The following PCBP3 variants were observed in gnomAD, a reference collection of about 807,000 sequenced individuals.
PCBP3 encodes the protein poly(rC) binding protein 3.
Under a neutral mutation model 52.7 loss-of-function variants are expected in PCBP3, and 25 were observed. The observed-to-expected ratio is 0.47, with a 90% CI of 0.35 to 0.66. PCBP3 has a LOEUF of 0.66. Among genes scored for constraint, PCBP3 ranks in the 30% least tolerant of loss-of-function variants. The pLI, the probability that PCBP3 is intolerant of heterozygous loss-of-function variation, is 0.01. For synonymous variants in PCBP3, 162 were observed against 183.0 expected (o/e 0.89, Z 0.93); for missense variants, 391 against 490.3 (o/e 0.80, Z 1.91).
chr21:45,902,591 A>G (rs1378703442), intron 9 of PCBP3, among the ~76,000 whole-genome samples: 1 of 152,216 alleles, frequency 6.6e-6, no homozygotes, highest in East Asian at 1.9e-4. Context: ...ATGACACCAA[A>G]ACAGAAACAA....
chr21:45,874,726 C>T (rs1176335438), intron 5 of PCBP3, among the ~76,000 whole-genome samples: 2 of 152,036 alleles, frequency 1.3e-5, no homozygotes, highest in Non-Finnish European at 2.9e-5. Context: ...GGCTGGTCTC[C>T]AATGCTGTCT....
chr21:45,838,943 C>T (rs952872985), intron 4 of PCBP3, among the ~76,000 whole-genome samples: 1 of 152,160 alleles, frequency 6.6e-6, no homozygotes. Context: ...AAAAGTCTCA[C>T]TTTCCTCCCT....
intron 7 of PCBP3, among the ~76,000 whole-genome samples, chr21:45,899,916 C>G (rs531365177): frequency 3.9e-5 from 6 of 152,278 alleles, no homozygotes; most frequent in Non-Finnish European, 7.4e-5. Flanking sequence ...GAAGACCCCA[C>G]GAAGAATGAT....
chr21:45,697,515 C>A lies in PCBP3; in HGVS notation c.-200+28563C>A, dbSNP rs147406579. ...GTTCCAGCACTTTGGGAGGCTGAGG[C>A]AGGAGGATTGCTTGAGTCTGGGAGT... On this transcript the variant is annotated intron_variant, in intron 2 of 17. Coordinates refer to ENST00000681687, the MANE Select transcript of PCBP3 (RefSeq NM_001384156.1). Among the ~76,000 whole-genome samples, 15 of 152,174 alleles carry A rather than the reference C, an allele frequency of 9.9e-5. No individual in the cohort carries two copies. The East Asian group carries it at 2.9e-3, about 29-fold the overall frequency.
chr21:45,721,293 G>T (rs1169199547), intron 2 of PCBP3, among the ~76,000 whole-genome samples: 1 of 151,612 alleles, frequency 6.6e-6, no homozygotes, highest in Non-Finnish European at 1.5e-5. Flanking sequence ...GGTGCCTGTA[G>T]TCCCAGCTAC....
At chr21:45,936,356 C>A (rs1277473592) in intron 16 of PCBP3, among the ~76,000 whole-genome samples, 1 of 152,228 alleles carries the variant, frequency 6.6e-6, no homozygotes, top group Non-Finnish European at 1.5e-5. Flanking sequence ...GCACTCTAGG[C>A]CTTCTTCTAT....
rs2094138142 is a variant in PCBP3 at position 45,853,579 on chromosome 21, C to T, written c.10+3484C>T. On this transcript the variant is annotated intron_variant, in intron 5 of 17. Transcript: ENST00000681687. The surrounding 1 kb of genome is among the most constrained non-coding windows in gnomAD (Gnocchi z 4.6). ...AGGTTTCCATTGGTTACTTGGTGTA[C>T]ACCCCTGTGAATGGAGAGGGTGTTC... Among the ~76,000 whole-genome samples, 1 of 152,176 alleles carries T rather than the reference C, an allele frequency of 6.6e-6. No homozygotes were observed. The highest frequency in any genetic ancestry group is 2.1e-4 in the South Asian group (1 of 4,828).
At chr21:45,940,726 C>T (rs1285814634) in intron 17 of PCBP3, among the ~76,000 whole-genome samples, 1 of 151,968 alleles carries the variant, frequency 6.6e-6, no homozygotes, top group Middle Eastern at 3.2e-3. Context: ...TGCCCCACCC[C>T]CGCCAAGCAC....
At chr21:45,726,012 C>T (rs9306141) in intron 2 of PCBP3, among the ~76,000 whole-genome samples, 2 of 151,920 alleles carry the variant, frequency 1.3e-5, no homozygotes, top group South Asian at 2.1e-4. Flanking sequence ...CCCTGGCTGT[C>T]GGGAAGGCAC....
intron 4 of PCBP3, among the ~76,000 whole-genome samples, chr21:45,780,481 A>T (rs762784528): frequency 3.3e-4 from 50 of 152,224 alleles, no homozygotes; most frequent in Non-Finnish European, 1.8e-4. Flanking sequence ...ACCTGGTCCA[A>T]CCTGTGACGA....
intron 4 of PCBP3, among the ~76,000 whole-genome samples, chr21:45,769,910 C>T (rs2089712744): frequency 6.6e-6 from 1 of 152,258 alleles, no homozygotes; most frequent in Admixed American, 6.5e-5. Context: ...AGGAAAAATA[C>T]ACTTTATTAT....
chr21:45,815,558 G>A (rs2092896529), intron 4 of PCBP3, among the ~76,000 whole-genome samples: 1 of 97,168 alleles, frequency 1.0e-5, no homozygotes, highest in Non-Finnish European at 2.1e-5. Flanking sequence ...GATGAGTGGT[G>A]AGTGGTGAGT....
At chr21:45,819,160 G>A (rs898872880) in intron 4 of PCBP3, among the ~76,000 whole-genome samples, 2 of 152,156 alleles carry the variant, frequency 1.3e-5, no homozygotes, top group Admixed American at 6.5e-5. Flanking sequence ...CTGGACCTGG[G>A]GGGTGGTGAT....
At chr21:45,866,214 T>A (rs2094717770) in intron 5 of PCBP3, among the ~76,000 whole-genome samples, 1 of 152,168 alleles carries the variant, frequency 6.6e-6, no homozygotes, top group Admixed American at 6.5e-5. Context: ...TCAGAAGCAC[T>A]GAGGTAGGGC....
chr21:45,901,166 C>A, intron 9 of PCBP3, 53 bp downstream of exon 9: 1 of 1,307,372 alleles, frequency 7.6e-7, no homozygotes, highest in South Asian at 1.2e-5. Flanking sequence ...GGCCTGGTCC[C>A]AGCTGGCTCC....
chr21:45,697,004 T>C (rs2147896909), intron 2 of PCBP3, among the ~76,000 whole-genome samples: 1 of 152,306 alleles, frequency 6.6e-6, no homozygotes, highest in East Asian at 1.9e-4. Context: ...CTGGTGAGGA[T>C]GTGGAACAAC....
intron 5 of PCBP3, among the ~76,000 whole-genome samples, chr21:45,895,662 G>T (rs1477348360): frequency 2.0e-5 from 3 of 152,246 alleles, no homozygotes; most frequent in Non-Finnish European, 4.4e-5. Flanking sequence ...GCCGAGAACT[G>T]CCAAGGACAC....
At position 45,935,323 on chromosome 21, in the gene PCBP3, A is replaced by G. The variant is rs767367916; in HGVS notation, c.909+18A>G. On this transcript the variant is annotated intron_variant, in intron 16 of 17. Transcript: ENST00000681687. ...CCAATGATGTGAGTATGCCCGCTGTACCTGCCTGTCCCTGGGTAGAAACAC... is the reference window on the plus strand; with the variant it reads ...CCAATGATGTGAGTATGCCCGCTGTGCCTGCCTGTCCCTGGGTAGAAACAC... The G allele has an allele frequency of 6.3e-7, 1 of 1,588,200 alleles. No homozygotes were observed. Among genetic ancestry groups the G allele is most frequent in the Non-Finnish European group, 8.6e-7 (1 of 1,163,180 alleles).
At chr21:45,914,827 T>C (rs2073110857) in intron 12 of PCBP3, 2 of 152,296 alleles carry the variant, frequency 1.3e-5, no homozygotes, top group African/African-American at 2.4e-5. Flanking sequence ...GTGATGTGTG[T>C]CTTTGTTCAA....
Sources: allele counts gnomAD v4.1 joint callset (sites outside exome capture counted in the v4.1 genomes callset), GRCh38; gene constraint gnomAD v4.1.1; non-coding constraint Gnocchi (gnomAD v3.1); transcripts MANE v1.5; gene names NCBI Gene and HGNC (gene_info 2026-07-23, HGNC 2026-07-21).